COL21A1: variants seen among roughly 807,000 people sequenced by gnomAD.
COL21A1 encodes collagen alpha-1(XXI) chain.
Under a neutral mutation model 137.9 loss-of-function variants are expected in COL21A1, and 149 were observed. That is an observed-to-expected ratio of 1.08 (90% CI 0.95 to 1.24). The LOEUF is 1.24. COL21A1 is among the 50% of genes most tolerant of loss of function. The pLI, the probability that COL21A1 is intolerant of heterozygous loss-of-function variation, is 0.00. For missense variants in COL21A1, 1,167 were observed against 1,158.4 expected, an observed-to-expected ratio of 1.01 and a Z score of -0.11; for synonymous variants, 456 against 391.5, an observed-to-expected ratio of 1.16 and a Z score of -1.95.
At chr6:56,343,357 G>A (rs1454713954) in intron 1 of COL21A1, among the ~76,000 whole-genome samples, 1 of 152,152 alleles carries the variant, frequency 6.6e-6, no homozygotes, top group African/African-American at 2.4e-5. Flanking sequence ...TGCCTGAGAA[G>A]CCTTCCTAGT....
intron 1 of COL21A1, among the ~76,000 whole-genome samples, chr6:56,286,970 AAC>A (rs1360487606): frequency 1.3e-5 from 2 of 152,230 alleles, no homozygotes; most frequent in African/African-American, 4.8e-5. Flanking sequence ...ATTTGAAGAT[AAC>A]ACTGATTTGA....
chr6:56,159,948 A>T (rs564559540), intron 9 of COL21A1, among the ~76,000 whole-genome samples: 50 of 152,308 alleles, frequency 3.3e-4, no homozygotes, highest in African/African-American at 1.1e-3. Flanking sequence ...TACCCACAAG[A>T]TAAATCCAAT....
intron 1 of COL21A1, among the ~76,000 whole-genome samples, chr6:56,204,121 G>A (rs564277137): frequency 2.0e-5 from 3 of 152,162 alleles, no homozygotes; most frequent in Admixed American, 6.5e-5. Flanking sequence ...CACCTGGAAC[G>A]CCAGCGAGAC....
chr6:56,372,598 G>A (rs925332731), intron 1 of COL21A1, among the ~76,000 whole-genome samples: 2 of 152,206 alleles, frequency 1.3e-5, no homozygotes, highest in African/African-American at 2.4e-5. Context: ...AACTCATAAG[G>A]GAGTATGTAA....
chr6:56,303,726 C>T (rs1426557056), intron 1 of COL21A1, among the ~76,000 whole-genome samples: 9 of 152,144 alleles, frequency 5.9e-5, no homozygotes, highest in Admixed American at 1.3e-4. Context: ...CCTTTATTTC[C>T]TTCTCCTGCC....
chr6:56,108,912 A>T (rs937478723), intron 16 of COL21A1, among the ~76,000 whole-genome samples: 2 of 151,880 alleles, frequency 1.3e-5, no homozygotes, highest in Non-Finnish European at 3.0e-5. Context: ...TAATATCAGA[A>T]ATTAGCAACA....
chr6:56,354,960 A>T (rs981275224), intron 1 of COL21A1, among the ~76,000 whole-genome samples: 2 of 152,220 alleles, frequency 1.3e-5, no homozygotes, highest in Non-Finnish European at 2.9e-5. Context: ...ACAGTAATAA[A>T]AAGTTCAACT....
chr6:56,302,278 G>A (rs1180575065), intron 1 of COL21A1, among the ~76,000 whole-genome samples: 1 of 152,010 alleles, frequency 6.6e-6, no homozygotes, highest in Non-Finnish European at 1.5e-5. Context: ...GGTATTTCTA[G>A]TTCTAGATCC....
At chr6:56,172,668 TA>T (rs1777158084) in intron 3 of COL21A1, among the ~76,000 whole-genome samples, 4 of 152,276 alleles carry the variant, frequency 2.6e-5, no homozygotes, top group Admixed American at 2.6e-4. Context: ...AAATGACTTT[TA>T]ATTCTGGTGT....
intron 17 of COL21A1, among the ~76,000 whole-genome samples, chr6:56,099,224 ATTTTTTTTTT>A (rs765498868): frequency 8.9e-6 from 1 of 111,998 alleles, no homozygotes; most frequent in Non-Finnish European, 1.8e-5. Context: ...CACAAACTAA[ATTTTTTTTTT>A]TTTTTTTTTT....
chr6:56,327,895 C>T (rs1765132187), intron 1 of COL21A1, among the ~76,000 whole-genome samples: 1 of 152,044 alleles, frequency 6.6e-6, no homozygotes, highest in Non-Finnish European at 1.5e-5. Context: ...CACAATGGGA[C>T]TAACCCAGCA....
At chr6:56,228,887 A>G (rs1199557706) in intron 1 of COL21A1, among the ~76,000 whole-genome samples, 1 of 151,924 alleles carries the variant, frequency 6.6e-6, no homozygotes, top group East Asian at 1.9e-4. Context: ...TAAAATTCAA[A>G]TGTTCCAAGA....
rs1402170446 is a variant in COL21A1 at position 56,150,565 on chromosome 6, C to CACACACACACACACAA, written c.1434+6321_1434+6322insTTGTGTGTGTGTGTGT. Among the ~76,000 whole-genome samples the CACACACACACACACAA allele has an allele frequency of 2.0e-3, 231 of 112,696 alleles. 9 individuals are homozygous for CACACACACACACACAA. The highest frequency in any genetic ancestry group is 7.3e-3 in the African/African-American group (201 of 27,616). 73.9% of individuals were successfully genotyped at this position (112,696 alleles called of 152,430 possible). ...ACACACACACACACACACACACACA[C>CACACACACACACACAA]AAGAGTGGGGGGAACTGAATCACGA... On this transcript the variant is annotated intron_variant, in intron 10 of 29. Coordinates refer to ENST00000244728, the MANE Select transcript of COL21A1 (RefSeq NM_030820.4).
chr6:56,110,900 A>G (rs900749862), intron 16 of COL21A1, among the ~76,000 whole-genome samples: 1 of 152,154 alleles, frequency 6.6e-6, no homozygotes, highest in Non-Finnish European at 1.5e-5. Context: ...CTCTCCCCAA[A>G]TAAATTTAGA....
intron 1 of COL21A1, among the ~76,000 whole-genome samples, chr6:56,241,196 C>G (rs967122509): frequency 1.3e-5 from 2 of 152,156 alleles, no homozygotes; most frequent in South Asian, 2.1e-4. Context: ...AATTAGATAA[C>G]AAGACTGGTG....
At chr6:56,201,154 T>C (rs1779381409) in intron 1 of COL21A1, among the ~76,000 whole-genome samples, 2 of 152,208 alleles carry the variant, frequency 1.3e-5, no homozygotes, top group South Asian at 4.1e-4. Context: ...TGGGGTTGTT[T>C]GTTTTTTTCT....
chr6:56,388,369 C>A (rs1337127728), intron 1 of COL21A1, among the ~76,000 whole-genome samples: 1 of 152,194 alleles, frequency 6.6e-6, no homozygotes, highest in African/African-American at 2.4e-5. Context: ...GTGCTTACAT[C>A]CCCTCTGCCA....
At chr6:56,159,948 A>G (rs564559540) in intron 9 of COL21A1, among the ~76,000 whole-genome samples, 1 of 152,190 alleles carries the variant, frequency 6.6e-6, no homozygotes, top group Non-Finnish European at 1.5e-5. Flanking sequence ...TACCCACAAG[A>G]TAAATCCAAT....
At chr6:56,276,437 A>C in intron 1 of COL21A1, 1 of 608,304 alleles carries the variant, frequency 1.6e-6, no homozygotes, top group Non-Finnish European at 2.8e-6. Context: ...TTTTAAAGTC[A>C]ACAAAAGTCT....
Sources: gnomAD v4.1 joint callset for allele counts (sites outside exome capture counted in the v4.1 genomes callset) on GRCh38, gnomAD v4.1.1 for gene constraint, MANE v1.5 for transcripts, NCBI Gene and HGNC (gene_info 2026-07-23, HGNC 2026-07-21) for gene names.